Variants in POLR3A observed in about 807,000 individuals in gnomAD.
The protein encoded by POLR3A is RNA polymerase III subunit A, also known as DNA-directed RNA polymerase III subunit RPC1.
POLR3A carries 112 observed loss-of-function variants against 152.8 expected under a neutral mutation model. The observed-to-expected ratio is 0.73, with a 90% CI of 0.63 to 0.86. The LOEUF (loss-of-function observed/expected upper bound fraction) is 0.86. Among genes scored for constraint, POLR3A ranks in the 40% least tolerant of loss-of-function variants. The probability of loss-of-function intolerance (pLI) is 0.00; values close to 1 mark genes in which losing one functional copy is unlikely to be tolerated. For synonymous variants in POLR3A, 615 were observed against 652.1 expected (o/e 0.94, Z 0.87); for missense variants, 1,385 against 1,743.1 (o/e 0.79, Z 3.66).
chr10:77,996,993 C>A (rs1232265597), intron 19 of POLR3A, among the ~76,000 whole-genome samples: 1 of 152,182 alleles, frequency 6.6e-6, no homozygotes, highest in Non-Finnish European at 1.5e-5. Flanking sequence ...CCCTGGGATG[C>A]AAGGCTGGTT....
At chr10:78,022,083 C>G in intron 6 of POLR3A, 61 bp from the exon 7 acceptor site, 1 of 1,614,154 alleles carries the variant, frequency 6.2e-7, no homozygotes, top group Non-Finnish European at 8.5e-7. Context: ...CTCACATTTT[C>G]TTGACCAGAA....
chr10:77,982,038 CAAAAA>C (rs553149963), intron 28 of POLR3A, 111 bp downstream of exon 28: 331 of 275,068 alleles, frequency 1.2e-3, no homozygotes, highest in Middle Eastern at 4.7e-3. Context: ...GACTCCATCT[CAAAAA>C]AAAAAAAAAA....
intron 1 of POLR3A, among the ~76,000 whole-genome samples, chr10:78,026,788 A>G (rs1409547318): frequency 2.6e-5 from 4 of 152,220 alleles, no homozygotes; most frequent in African/African-American, 9.6e-5. Context: ...TCTATAGGCC[A>G]GCTACTGCTA....
rs1847580255 is a variant in POLR3A at position 78,021,606 on chromosome 10, G to A, written c.1125C>T (p.Leu375=). 2 of 1,614,022 alleles carry A rather than the reference G, an allele frequency of 1.2e-6. No individual in the cohort carries two copies. The highest frequency in any genetic ancestry group is 1.3e-5 in the African/African-American group (1 of 74,908). Residue 375 remains leucine (L), a synonymous_variant, in exon 8 of 31, where the codon CTC becomes CTT. Coordinates refer to ENST00000372371, the MANE Select transcript of POLR3A (RefSeq NM_007055.4). ...CTGGCACAGCTACCTCATCAATCCG[G>A]AGGTTGGGGTCGGGCGAGATGACTG... The part of the protein sequence containing the change: ...GRTVISPDPN[L]RIDEVAVPVH...
chr10:77,996,344 A>G lies in POLR3A; in HGVS notation c.2617-2977T>C, dbSNP rs1304519570. Among the ~76,000 whole-genome samples the G allele has an allele frequency of 3.9e-5, 6 of 152,234 alleles. No homozygotes were observed. The East Asian group carries it at 1.2e-3, about 29-fold the overall frequency. On this transcript the variant is annotated intron_variant, in intron 19 of 30. Coordinates refer to ENST00000372371, the MANE Select transcript of POLR3A (RefSeq NM_007055.4). ...AACTGAAGGAACTAGAGACACAAAA[A>G]ACCCTTCAAAAAATTAATGAATCCA... is the stretch of plus-strand genomic sequence containing the variant.
intron 21 of POLR3A, among the ~76,000 whole-genome samples, chr10:77,990,039 G>C (rs879438321): frequency 3.3e-5 from 5 of 152,056 alleles, no homozygotes; most frequent in Non-Finnish European, 7.4e-5. Flanking sequence ...TTTTATTTTT[G>C]ATCTACGGAA....
At position 77,993,307 on chromosome 10, in the gene POLR3A, A is replaced by C. The variant is rs1487278479; in HGVS notation, c.2677T>G (p.Ser893Ala). The C allele has an allele frequency of 1.2e-6, 2 of 1,612,952 alleles. No individual in the cohort carries two copies. Among genetic ancestry groups the C allele is most frequent in the South Asian group, 2.2e-5 (2 of 91,064 alleles). ...CSQYDLTVRS[S>A]TGDIIQFIYG... is the part of the protein sequence containing the mutation. ...ATGAACTGGATAATATCGCCAGTAG[A>C]GCTTCGGACTGTCAGATCATACTGG... Residue 893 changes from serine (S) to alanine (A), a missense_variant, in exon 20 of 31, where the codon TCT becomes GCT. Ser to Ala is a moderately conservative substitution (Grantham distance 99, BLOSUM62 1). Transcript: ENST00000372371.
intron 29 of POLR3A, among the ~76,000 whole-genome samples, chr10:77,980,634 T>C (rs977132685): frequency 6.6e-6 from 1 of 152,186 alleles, no homozygotes; most frequent in African/African-American, 2.4e-5. Flanking sequence ...TAAATTTAGG[T>C]AATTCTACTC....
intron 26 of POLR3A, among the ~76,000 whole-genome samples, chr10:77,983,151 G>A (rs1242622904): frequency 6.6e-6 from 1 of 152,056 alleles, no homozygotes; most frequent in Admixed American, 6.6e-5. Flanking sequence ...AGCTTCCGTG[G>A]GGCCTCCCCT....
intron 15 of POLR3A, among the ~76,000 whole-genome samples, chr10:78,005,335 C>T (rs1047464427): frequency 6.6e-6 from 1 of 152,162 alleles, no homozygotes; most frequent in African/African-American, 2.4e-5. Context: ...AAAAATTAGC[C>T]GGGCATGGTG....
chr10:77,993,046 A>G, intron 20 of POLR3A, 151 bp downstream of exon 20: 1 of 737,636 alleles, frequency 1.4e-6, no homozygotes, highest in East Asian at 2.6e-5. Context: ...AATTATACAG[A>G]GTAACACAAA....
chr10:77,999,516 A>C (rs1220839010), intron 19 of POLR3A, among the ~76,000 whole-genome samples: 1 of 151,980 alleles, frequency 6.6e-6, no homozygotes, highest in Non-Finnish European at 1.5e-5. Flanking sequence ...AGAGCTATAC[A>C]CTCTCTGAGG....
rs543932113 is a variant in POLR3A at position 78,012,236 on chromosome 10, C to T, written c.1572+1414G>A. On this transcript the variant is annotated intron_variant, in intron 11 of 30. Transcript: ENST00000372371. ...AAAATTAGCTGGGCATGGTGGCAGA[C>T]GCCTGTAATCCCAGCTACTCAGGAG... Among the ~76,000 whole-genome samples the T allele has an allele frequency of 4.1e-4, 63 of 151,970 alleles. 1 individual carries two copies. In the South Asian group the frequency reaches 0.011, roughly 28 times the overall value.
intron 7 of POLR3A, 35 bp from the exon 8 acceptor site, chr10:78,021,717 G>A: frequency 3.7e-6 from 6 of 1,612,094 alleles, no homozygotes; most frequent in Non-Finnish European, 5.1e-6. Flanking sequence ...GGTCCCCATG[G>A]CATACCATGT....
rs897772825 is a variant in POLR3A, at chr10:77,975,446, T to A, written c.*2032A>T. The A allele has an allele frequency of 2.6e-5, 4 of 152,210 alleles. No individual in the cohort carries two copies. The highest frequency in any genetic ancestry group is 2.6e-4 in the Admixed American group (4 of 15,286). The allele number at this position is 152,210 out of a possible 1,614,324, so 9.4% of individuals were successfully genotyped here. On this transcript the variant is annotated 3_prime_UTR_variant, in exon 31 of 31. Coordinates refer to ENST00000372371, the MANE Select transcript of POLR3A (RefSeq NM_007055.4). ...GACCAGCACCTCCAGGACGTATGAC[T>A]TCCCCCCCTACCCATGGGTGATGTG...
At chr10:78,013,110 TCC>T (rs1234639157) in intron 11 of POLR3A, 1 of 182,004 alleles carries the variant, frequency 5.5e-6, no homozygotes. Flanking sequence ...TACTGGGCAC[TCC>T]TTATGCATTT....
rs1847158071 is a variant in POLR3A, at chr10:77,982,642, TTC to T, written c.3594+9_3594+10del. 13 of 1,612,036 alleles carry T rather than the reference TTC, an allele frequency of 8.1e-6. No individual in the cohort carries two copies. The highest frequency in any genetic ancestry group is 1.1e-5 in the Non-Finnish European group (13 of 1,179,654). On this transcript the variant is annotated intron_variant, in intron 27 of 30. Transcript: ENST00000372371. The stretch of plus-strand genomic sequence containing the variant: ...ATGCTGGGTCTCCATGAGAAGCGAC[TTC>T]TGTTTCACCTTGGGGAGATCCTCTT...
intron 1 of POLR3A, among the ~76,000 whole-genome samples, chr10:78,027,041 G>A (rs1171902298): frequency 4.6e-5 from 7 of 152,200 alleles, no homozygotes; most frequent in South Asian, 2.1e-4. Flanking sequence ...AGGTCAGGGT[G>A]GGAAAGACAG....
At position 78,026,074 on chromosome 10, in the gene POLR3A, G is replaced by A. The variant is rs58812772; in HGVS notation, c.180+20C>T. On this transcript the variant is annotated intron_variant, in intron 2 of 30. Coordinates refer to ENST00000372371, the MANE Select transcript of POLR3A (RefSeq NM_007055.4). ...CAGCAGGGCAAGACACAGTTACCAGGAGGGGTGAGGGGGCCTTACCATCCT... is the reference window on the plus strand; with the variant it reads ...CAGCAGGGCAAGACACAGTTACCAGAAGGGGTGAGGGGGCCTTACCATCCT... 3.9e-3 allele frequency: 6,294 copies of A among 1,613,678 alleles called. 221 individuals are homozygous for A. In the African/African-American group the frequency reaches 0.072, roughly 18 times the overall value.
Sources: allele counts gnomAD v4.1 joint callset (sites outside exome capture counted in the v4.1 genomes callset), GRCh38; gene constraint gnomAD v4.1.1; transcripts MANE v1.5; gene names NCBI Gene and HGNC (gene_info 2026-07-23, HGNC 2026-07-21).